CSF2RA: variants seen among roughly 807,000 people sequenced by gnomAD.
CSF2RA encodes granulocyte-macrophage colony-stimulating factor receptor subunit alpha.
CSF2RA carries 42 observed loss-of-function variants against 51.6 expected under a neutral mutation model. The ratio of observed to expected loss-of-function variants is 0.81; its 90% CI spans 0.64 to 1.05. CSF2RA has a LOEUF of 1.05. Ranked by LOEUF, CSF2RA falls within the 50% of genes least tolerant of loss-of-function variation. The pLI is 0.00. For synonymous variants in CSF2RA, 222 were observed against 193.0 expected, an observed-to-expected ratio of 1.15 and a Z score of -1.24; for missense variants, 530 against 501.1, an observed-to-expected ratio of 1.06 and a Z score of -0.55.
intron 4 of CSF2RA, among the ~76,000 whole-genome samples, chrX:1,286,143 A>G (rs2090623476): frequency 6.6e-6 from 1 of 151,640 alleles, no homozygotes. Context: ...GTGCTGGTGC[A>G]TGCCTGTAGT....
At chrX:1,281,632 A>G (rs1388629547) in intron 2 of CSF2RA, among the ~76,000 whole-genome samples, 3 of 151,872 alleles carry the variant, frequency 2.0e-5, no homozygotes. Flanking sequence ...ACATCCTCTG[A>G]GGTCCATGTA....
At chrX:1,294,730 G>A (rs1327701497) in intron 8 of CSF2RA, among the ~76,000 whole-genome samples, 3 of 151,888 alleles carry the variant, frequency 2.0e-5, no homozygotes, top group Admixed American at 6.6e-5. Context: ...TGTGGGGGAC[G>A]ATGCCACAAG....
intron 2 of CSF2RA, among the ~76,000 whole-genome samples, chrX:1,279,786 T>G (rs73175792): frequency 0.22 from 33,101 of 151,524 alleles, 4,263 homozygotes; most frequent in Non-Finnish European, 0.28. Context: ...CGTTTTTTTT[T>G]TTTGTTTGTT....
chrX:1,305,381 C>T (rs1284551769), intron 11 of CSF2RA, 65 bp from the exon 12 acceptor site: 13 of 1,558,976 alleles, frequency 8.3e-6, no homozygotes, highest in African/African-American at 1.4e-5. Flanking sequence ...CGGCACAGGG[C>T]GTTGATGGAA....
rs1414146482 is a variant in CSF2RA, at chrX:1,309,516, C to T, written c.*37C>T. The T allele has an allele frequency of 3.1e-6, 5 of 1,613,854 alleles. No homozygotes were observed. The African/African-American group carries it at 5.3e-5, about 17-fold the overall frequency. The stretch of plus-strand genomic sequence containing the variant: ...TGTAGGAATGGCATGGACATCTCCG[C>T]CTCCGCGACACGGGGGAACTGTTTT... On this transcript the variant is annotated 3_prime_UTR_variant, in exon 13 of 13. Coordinates refer to ENST00000381529, the MANE Select transcript of CSF2RA (RefSeq NM_172245.4).
At chrX:1,277,208 A>T (rs1464403748) in intron 2 of CSF2RA, among the ~76,000 whole-genome samples, 1 of 152,064 alleles carries the variant, frequency 6.6e-6, no homozygotes, top group African/African-American at 2.4e-5. Context: ...ACCCCATCTC[A>T]TGCTTCCCTT....
chrX:1,308,567 A>G (rs2083909977), intron 12 of CSF2RA, among the ~76,000 whole-genome samples: 1 of 151,814 alleles, frequency 6.6e-6, no homozygotes, highest in Non-Finnish European at 1.5e-5. Flanking sequence ...CCCATGGGGA[A>G]CTCCAGTTGC....
chrX:1,323,294 A>T, the CSF2RA span, among the ~76,000 whole-genome samples: 10 of 149,582 alleles, frequency 6.7e-5, no homozygotes, highest in African/African-American at 2.2e-4. Context: ...CGGGCGGATC[A>T]CCTGAGGTCG....
At chrX:1,317,246 C>CATTTTTTTTTTTTTTT in the CSF2RA span, among the ~76,000 whole-genome samples, 1 of 57,828 alleles carries the variant, frequency 1.7e-5, no homozygotes. Context: ...CCACGCTCAG[C>CATTTTTTTTTTTTTTT]TTTTTTTTTT....
intron 8 of CSF2RA, among the ~76,000 whole-genome samples, chrX:1,295,062 T>A (rs28703926): frequency 1.1e-5 from 1 of 91,444 alleles, no homozygotes; most frequent in Admixed American, 1.0e-4. Context: ...CCCTGCCCCA[T>A]GTCCACCTCG....
downstream of CSF2RA, among the ~76,000 whole-genome samples, chrX:1,313,563 A>T (rs2084276441): frequency 6.6e-6 from 1 of 151,822 alleles, no homozygotes; most frequent in South Asian, 2.1e-4. Context: ...TACAAAAAAA[A>T]AAGCCAGGTG....
chrX:1,294,840 G>T (rs868371968), intron 8 of CSF2RA, among the ~76,000 whole-genome samples: 135 of 30,360 alleles, frequency 4.4e-3, no homozygotes, highest in Middle Eastern at 0.019. Flanking sequence ...GAGGACACCC[G>T]ACCCCACCTC....
At chrX:1,291,403 T>A (rs1462313483) in intron 7 of CSF2RA, among the ~76,000 whole-genome samples, 1 of 142,390 alleles carries the variant, frequency 7.0e-6, no homozygotes, top group African/African-American at 2.6e-5. Context: ...CTTCCTCTCC[T>A]TCCTTCTCCT....
Position 1,309,537 on chromosome X carries a change from GTTTTC to G in CSF2RA, c.*61_*65del. 6.2e-7 allele frequency: 1 copy of G among 1,613,984 alleles called. No individual in the cohort carries two copies. The highest frequency in any genetic ancestry group is 2.2e-5 in the East Asian group (1 of 44,886). ...TCCGCCTCCGCGACACGGGGGAACTGTTTTCTTGATGATGCTGTGAACCTTTATAT... is the reference window on the plus strand; with the variant it reads ...TCCGCCTCCGCGACACGGGGGAACTGTTGATGATGCTGTGAACCTTTATAT... On this transcript the variant is annotated 3_prime_UTR_variant, in exon 13 of 13. Coordinates refer to ENST00000381529, the MANE Select transcript of CSF2RA (RefSeq NM_172245.4).
chrX:1,291,550 AC>A (rs1282691362), intron 7 of CSF2RA, among the ~76,000 whole-genome samples: 1 of 151,282 alleles, frequency 6.6e-6, no homozygotes, highest in East Asian at 1.9e-4. Context: ...TCCCAAGCCC[AC>A]CGCATCCCAC....
At chrX:1,316,807 A>G in the CSF2RA span, among the ~76,000 whole-genome samples, 104 of 152,322 alleles carry the variant, frequency 6.8e-4, no homozygotes, top group Non-Finnish European at 1.2e-3. Context: ...TCCTGTGTGG[A>G]CACAAAACCA....
In CSF2RA at chrX:1,309,791, G is replaced by A. The variant is rs761993876; in HGVS notation, c.*312G>A. ...TCATCCCAGCTACTTGGGAGGCTGAGGCAGGAGAATTGCTTGAACCCGTGA... is the reference window on the plus strand; with the variant it reads ...TCATCCCAGCTACTTGGGAGGCTGAAGCAGGAGAATTGCTTGAACCCGTGA... On this transcript the variant is annotated 3_prime_UTR_variant, in exon 13 of 13. Transcript: ENST00000381529. The A allele has an allele frequency of 3.2e-6, 2 of 630,020 alleles. No individual in the cohort carries two copies. The highest frequency in any genetic ancestry group is 5.6e-6 in the Non-Finnish European group (2 of 354,262). The allele number at this position is 630,020 out of a possible 1,614,324, so 39.0% of individuals were successfully genotyped here. A position where few individuals can be genotyped will look rare whatever the true frequency, so the allele number is the denominator to read the frequency against.
At chrX:1,277,637 G>A (rs1481912227) in intron 2 of CSF2RA, among the ~76,000 whole-genome samples, 1 of 144,854 alleles carries the variant, frequency 6.9e-6, no homozygotes. Context: ...AGTCAGCAGT[G>A]CAAAGCCAAA....
chrX:1,320,708 T>C, the CSF2RA span, among the ~76,000 whole-genome samples: 1 of 149,296 alleles, frequency 6.7e-6, no homozygotes. Flanking sequence ...AGACGGGGTT[T>C]CGCCATGTTG....
Sources: allele counts gnomAD v4.1 joint callset (sites outside exome capture counted in the v4.1 genomes callset), GRCh38; gene constraint gnomAD v4.1.1; transcripts MANE v1.5; gene names NCBI Gene and HGNC (gene_info 2026-07-23, HGNC 2026-07-21).